ARHGAP31: variants seen among roughly 807,000 people sequenced by gnomAD.
The protein encoded by ARHGAP31 is rho GTPase-activating protein 31.
A neutral mutation model predicts 113.9 loss-of-function variants in ARHGAP31; 34 were observed. The observed-to-expected ratio is 0.30, with a 90% CI of 0.23 to 0.40. The LOEUF is 0.40. Ranked by LOEUF, ARHGAP31 falls within the 10% of genes least tolerant of loss-of-function variation. The pLI, the probability that ARHGAP31 is intolerant of heterozygous loss-of-function variation, is 1.00. For missense variants in ARHGAP31, 1,548 were observed against 1,767.1 expected (o/e 0.88, Z 2.22); for synonymous variants, 650 against 684.8 (o/e 0.95, Z 0.79).
At chr3:119,384,720 CAG>C (rs2080434065) in intron 6 of ARHGAP31, among the ~76,000 whole-genome samples, 1 of 152,194 alleles carries the variant, frequency 6.6e-6, no homozygotes, top group African/African-American at 2.4e-5. Flanking sequence ...CACCTCACAA[CAG>C]TGTTGCATTG....
chr3:119,365,412 G>A lies in ARHGAP31; in HGVS notation c.197G>A (p.Arg66Gln), dbSNP rs772471119. 3.1e-6 allele frequency: 5 copies of A among 1,613,418 alleles called. No individual in the cohort carries two copies. Among genetic ancestry groups the A allele is most frequent in the Non-Finnish European group, 4.2e-6 (5 of 1,179,558 alleles). ...TCAGGAGTCACCTCAAACATACAAC[G>A]GCTAAGGTAAGCTAAAAGAATAGCC... ...RLSGVTSNIQ[R>Q]LRQEFGSDQC... Residue 66 changes from arginine (R) to glutamine (Q), a missense_variant, in exon 2 of 12, where the codon CGG becomes CAG. Physicochemically the swap from Arg to Gln is conservative, Grantham distance 43 (BLOSUM62 1). Coordinates refer to ENST00000264245, the MANE Select transcript of ARHGAP31 (RefSeq NM_020754.4).
intron 9 of ARHGAP31, among the ~76,000 whole-genome samples, chr3:119,399,647 C>T (rs2080582888): frequency 6.6e-6 from 1 of 152,232 alleles, no homozygotes; most frequent in Admixed American, 6.5e-5. Context: ...TGCCTAGAGG[C>T]CTATGTATCT....
At chr3:119,393,772 T>C (rs541041824) in intron 8 of ARHGAP31, among the ~76,000 whole-genome samples, 181 bp downstream of exon 8, 25 of 152,240 alleles carry the variant, frequency 1.6e-4, no homozygotes, top group Non-Finnish European at 3.1e-4. Flanking sequence ...GCAAAAATAG[T>C]ACACAGAGAA....
intron 6 of ARHGAP31, among the ~76,000 whole-genome samples, chr3:119,388,882 C>CGCGGTGGCT (rs2080478015): frequency 6.6e-6 from 1 of 152,130 alleles, no homozygotes; most frequent in African/African-American, 2.4e-5. Context: ...AGGGGCCAGG[C>CGCGGTGGCT]GCGGTGGCTC....
At chr3:119,324,301 A>G (rs2079820744) in intron 1 of ARHGAP31, among the ~76,000 whole-genome samples, 1 of 152,230 alleles carries the variant, frequency 6.6e-6, no homozygotes, top group African/African-American at 2.4e-5. Flanking sequence ...AGGGCCATCT[A>G]TGTAATAAAT....
At position 119,299,309 on chromosome 3, in the gene ARHGAP31, C is replaced by T. The variant is rs78884514; in HGVS notation, c.100+4305C>T. Reference sequence around the variant, plus strand: ...GATAAGCGGCCTTAGCCATTCAGAACGCACCTTCTGAATGTTTGGTAAGAA... The same window carrying T: ...GATAAGCGGCCTTAGCCATTCAGAATGCACCTTCTGAATGTTTGGTAAGAA... On this transcript the variant is annotated intron_variant, in intron 1 of 11. Transcript: ENST00000264245. Among the ~76,000 whole-genome samples the T allele has an allele frequency of 9.8e-3, 1,497 of 152,332 alleles. 18 individuals carry two copies. The highest frequency in any genetic ancestry group is 0.033 in the African/African-American group (1,367 of 41,558).
rs2080778937 is a variant in ARHGAP31 at position 119,416,316 on chromosome 3, A to G, written c.*52A>G. ...AAAAACCGTGATTCATCTGGAAGTT[A>G]TTACAGGGCCAGCTTGCCATATTCC... On this transcript the variant is annotated 3_prime_UTR_variant, in exon 12 of 12. Transcript: ENST00000264245. The G allele has an allele frequency of 6.2e-7, 1 of 1,606,106 alleles. No individual in the cohort carries two copies. Among genetic ancestry groups the G allele is most frequent in the Non-Finnish European group, 8.5e-7 (1 of 1,179,874 alleles).
intron 1 of ARHGAP31, among the ~76,000 whole-genome samples, chr3:119,301,845 G>A (rs570526533): frequency 6.6e-6 from 1 of 152,294 alleles, no homozygotes; most frequent in East Asian, 1.9e-4. Flanking sequence ...AGTAGTGATA[G>A]ACTCTTCTAG....
intron 1 of ARHGAP31, among the ~76,000 whole-genome samples, chr3:119,336,182 AC>A (rs2079945093): frequency 6.6e-6 from 1 of 152,218 alleles, no homozygotes. Flanking sequence ...TCTCAAAAAA[AC>A]AAAACAGAAA....
chr3:119,344,046 G>C (rs537054889), intron 1 of ARHGAP31, among the ~76,000 whole-genome samples: 1 of 125,442 alleles, frequency 8.0e-6, no homozygotes, highest in Admixed American at 7.6e-5. Flanking sequence ...GCTGCTGGCC[G>C]GGGGCGCAAA....
rs2107640912 is a variant in ARHGAP31, at chr3:119,402,225, G to T, written c.1473G>T (p.Ala491=). 11 of 1,614,268 alleles carry T rather than the reference G, an allele frequency of 6.8e-6. No individual in the cohort carries two copies. Among genetic ancestry groups the T allele is most frequent in the Non-Finnish European group, 9.3e-6 (11 of 1,180,046 alleles). The change falls in exon 10 of 12, where the codon GCG becomes GCT. Residue 491 remains alanine (A), a synonymous_variant. Coordinates refer to ENST00000264245, the MANE Select transcript of ARHGAP31 (RefSeq NM_020754.4). ...CGCTGAACATCTCCGAGCCCTTTGC[G>T]GTATCTGTGCCGCTCCGCGTGTCCG... ...RKALNISEPF[A]VSVPLRVSAV...
In ARHGAP31 at chr3:119,389,302, C is replaced by A. The variant is rs529123206; in HGVS notation, c.683-1483C>A. 7.2e-5 allele frequency among the ~76,000 whole-genome samples: 11 copies of A among 152,298 alleles called. No individual in the cohort carries two copies. The South Asian group carries it at 2.3e-3, about 32-fold the overall frequency. ...CACTAAACTTGGTCTTCTGACCCTG[C>A]AGTTTATGTTCTTCCCATTGTTGCA... On this transcript the variant is annotated intron_variant, in intron 6 of 11. Coordinates refer to ENST00000264245, the MANE Select transcript of ARHGAP31 (RefSeq NM_020754.4).
intron 1 of ARHGAP31, among the ~76,000 whole-genome samples, chr3:119,308,039 C>T (rs755837569): frequency 2.7e-5 from 4 of 149,664 alleles, no homozygotes; most frequent in Admixed American, 1.3e-4. Context: ...ACTGGAGTCA[C>T]GCACGCAGCG....
At chr3:119,321,724 T>C (rs761933733) in intron 1 of ARHGAP31, among the ~76,000 whole-genome samples, 5 of 152,298 alleles carry the variant, frequency 3.3e-5, no homozygotes, top group African/African-American at 4.8e-5. Context: ...TCTCAGCTCA[T>C]TGAAGCCTCT....
intron 1 of ARHGAP31, among the ~76,000 whole-genome samples, chr3:119,355,850 G>A (rs1176694445): frequency 1.3e-5 from 2 of 152,158 alleles, no homozygotes; most frequent in Non-Finnish European, 2.9e-5. Flanking sequence ...ATTCCATGGT[G>A]TATATGTGCC....
intron 1 of ARHGAP31, among the ~76,000 whole-genome samples, chr3:119,303,169 G>T (rs183855955): frequency 1.3e-5 from 2 of 152,348 alleles, no homozygotes; most frequent in Admixed American, 6.5e-5. Context: ...CTCTCTCAGG[G>T]TGAGCCCCAT....
intron 7 of ARHGAP31, among the ~76,000 whole-genome samples, chr3:119,391,782 T>G (rs772842964): frequency 1.1e-4 from 17 of 152,138 alleles, no homozygotes; most frequent in Non-Finnish European, 2.2e-4. Flanking sequence ...GCTGCCACCT[T>G]GCACAACTAG....
intron 3 of ARHGAP31, among the ~76,000 whole-genome samples, chr3:119,371,585 C>T (rs2080298744): frequency 6.6e-6 from 1 of 152,216 alleles, no homozygotes; most frequent in African/African-American, 2.4e-5. Context: ...AGCTCTGTTA[C>T]ATTGTCACAC....
intron 6 of ARHGAP31, among the ~76,000 whole-genome samples, chr3:119,385,060 G>A (rs1405945535): frequency 1.3e-5 from 2 of 151,834 alleles, no homozygotes; most frequent in African/African-American, 4.8e-5. Context: ...GAGTAGCTGG[G>A]ATTACAGGTG....
Sources: allele counts gnomAD v4.1 joint callset (sites outside exome capture counted in the v4.1 genomes callset), GRCh38; gene constraint gnomAD v4.1.1; transcripts MANE v1.5; gene names NCBI Gene and HGNC (gene_info 2026-07-23, HGNC 2026-07-21).